The following CDH12 variants were observed in gnomAD, a reference collection of about 807,000 sequenced individuals.
CDH12 encodes cadherin-12.
A neutral mutation model predicts 74.1 loss-of-function variants in CDH12; 41 were observed. The observed-to-expected ratio is 0.55, with a 90% CI of 0.43 to 0.72. The LOEUF (loss-of-function observed/expected upper bound fraction) is 0.72, where lower values mean the gene tolerates loss of function less well. Among genes scored for constraint, CDH12 ranks in the 30% least tolerant of loss-of-function variants. The probability of loss-of-function intolerance (pLI) is 0.00; values close to 1 mark genes in which losing one functional copy is unlikely to be tolerated. For synonymous variants in CDH12, 399 were observed against 355.0 expected, an observed-to-expected ratio of 1.12 and a Z score of -1.39; for missense variants, 945 against 977.2, an observed-to-expected ratio of 0.97 and a Z score of 0.44.
intron 6 of CDH12, among the ~76,000 whole-genome samples, chr5:21,956,112 TAG>T (rs1756082841): frequency 6.6e-6 from 1 of 152,082 alleles, no homozygotes; most frequent in African/African-American, 2.4e-5. Flanking sequence ...TATTATATTG[TAG>T]ATGAAATAAG....
intron 1 of CDH12, among the ~76,000 whole-genome samples, chr5:22,560,648 C>T (rs535966357): frequency 1.3e-4 from 20 of 151,972 alleles, no homozygotes; most frequent in African/African-American, 4.3e-4. Context: ...ATAAAAAAAT[C>T]ATTTCCACCA....
chr5:22,027,599 C>T (rs983140773), intron 5 of CDH12, among the ~76,000 whole-genome samples: 12 of 152,070 alleles, frequency 7.9e-5, no homozygotes, highest in Non-Finnish European at 1.6e-4. Context: ...AGTTTATTTG[C>T]GTAGAGGTGT....
intron 1 of CDH12, among the ~76,000 whole-genome samples, chr5:22,818,557 A>G (rs1749507109): frequency 6.6e-6 from 1 of 152,168 alleles, no homozygotes; most frequent in South Asian, 2.1e-4. Flanking sequence ...AAGAGGGACA[A>G]GCAATGACAT....
intron 3 of CDH12, among the ~76,000 whole-genome samples, chr5:22,224,688 AT>A (rs2150370972): frequency 6.6e-6 from 1 of 152,158 alleles, no homozygotes; most frequent in African/African-American, 2.4e-5. Context: ...ACTCTGAACT[AT>A]AGCAGTACTG....
chr5:22,617,873 TC>T (rs1278462142), intron 1 of CDH12, among the ~76,000 whole-genome samples: 3 of 152,122 alleles, frequency 2.0e-5, no homozygotes, highest in Non-Finnish European at 4.4e-5. Flanking sequence ...CCACAGGAAA[TC>T]CATCTTATTA....
intron 3 of CDH12, among the ~76,000 whole-genome samples, chr5:22,224,940 G>T (rs1169654746): frequency 6.6e-6 from 1 of 151,686 alleles, no homozygotes; most frequent in African/African-American, 2.4e-5. Flanking sequence ...ACATTAATGT[G>T]TTTATTTCAG....
At chr5:22,377,612 A>T (rs765756852) in intron 3 of CDH12, among the ~76,000 whole-genome samples, 1 of 152,190 alleles carries the variant, frequency 6.6e-6, no homozygotes, top group Non-Finnish European at 1.5e-5. Flanking sequence ...TCTCTCTGAC[A>T]TTCCTTCCTG....
At chr5:21,840,126 G>T (rs146043376) in intron 8 of CDH12, among the ~76,000 whole-genome samples, 1 of 152,040 alleles carries the variant, frequency 6.6e-6, no homozygotes, top group Non-Finnish European at 1.5e-5. Context: ...ATTTGGAAAT[G>T]ATTCAACACA....
Position 22,062,807 on chromosome 5 carries a change from C to T in CDH12, c.231+15639G>A, listed in dbSNP as rs77448897. The stretch of plus-strand genomic sequence containing the variant: ...CTATCAACTCAGAAGGAGACTAACA[C>T]ATTAGACAGAACTTGAGACATACTT... On this transcript the variant is annotated intron_variant, in intron 5 of 14. Coordinates refer to ENST00000382254, the MANE Select transcript of CDH12 (RefSeq NM_004061.5). 5.4e-4 allele frequency among the ~76,000 whole-genome samples: 82 copies of T among 152,214 alleles called. 1 individual carries two copies. The East Asian group carries it at 0.015, about 28-fold the overall frequency.
At chr5:22,679,868 T>C (rs1741401746) in intron 1 of CDH12, among the ~76,000 whole-genome samples, 1 of 152,126 alleles carries the variant, frequency 6.6e-6, no homozygotes, top group African/African-American at 2.4e-5. Flanking sequence ...TCTGTTAAAC[T>C]GTTTACACTT....
chr5:22,641,295 G>T (rs1335514880), intron 1 of CDH12, among the ~76,000 whole-genome samples: 1 of 152,126 alleles, frequency 6.6e-6, no homozygotes, highest in Non-Finnish European at 1.5e-5. Flanking sequence ...GTTTGAGGGG[G>T]TACTAGTGCA....
At chr5:21,857,615 A>G (rs543428793) in intron 6 of CDH12, among the ~76,000 whole-genome samples, 8 of 152,068 alleles carry the variant, frequency 5.3e-5, no homozygotes, top group Non-Finnish European at 8.8e-5. Flanking sequence ...AGCAAAGAAC[A>G]GAGAAACTGA....
chr5:22,014,737 A>G (rs1032102226), intron 5 of CDH12, among the ~76,000 whole-genome samples: 6 of 152,180 alleles, frequency 3.9e-5, no homozygotes, highest in Admixed American at 2.0e-4. Flanking sequence ...ACCCTTTCCC[A>G]CAATTTATCT....
At chr5:22,675,461 G>A (rs758004169) in intron 1 of CDH12, among the ~76,000 whole-genome samples, 1 of 152,306 alleles carries the variant, frequency 6.6e-6, no homozygotes, top group Non-Finnish European at 1.5e-5. Flanking sequence ...CCCTCATGGA[G>A]GAGCAACTAA....
intron 4 of CDH12, among the ~76,000 whole-genome samples, chr5:22,128,796 C>T (rs1465937625): frequency 3.3e-5 from 5 of 152,120 alleles, no homozygotes; most frequent in African/African-American, 1.2e-4. Context: ...TAATCTGATG[C>T]TACTTTTCAT....
rs1362558871 is a variant in CDH12 at position 22,020,549 on chromosome 5, C to T, written c.232-45164G>A. Reference sequence around the variant, plus strand: ...AGCCTGGGTGACAAGAGTGAGACTTCGTTTCAAAAAAAAAAAAAAAAGAAG... The same window carrying T: ...AGCCTGGGTGACAAGAGTGAGACTTTGTTTCAAAAAAAAAAAAAAAAGAAG... On this transcript the variant is annotated intron_variant, in intron 5 of 14. Transcript: ENST00000382254. Among the ~76,000 whole-genome samples the T allele has an allele frequency of 1.9e-4, 25 of 128,208 alleles. 1 individual carries two copies. The South Asian group carries it at 5.7e-3, about 29-fold the overall frequency. 84.1% of individuals were successfully genotyped at this position (128,208 alleles called of 152,430 possible).
intron 6 of CDH12, among the ~76,000 whole-genome samples, chr5:21,954,389 C>A (rs1455460265): frequency 6.6e-6 from 1 of 151,836 alleles, no homozygotes; most frequent in Non-Finnish European, 1.5e-5. Flanking sequence ...AGTGCCTGCA[C>A]ACACACTTGC....
chr5:21,968,773 T>C (rs1228428595), intron 6 of CDH12, among the ~76,000 whole-genome samples: 1 of 152,096 alleles, frequency 6.6e-6, no homozygotes, highest in East Asian at 1.9e-4. Context: ...GTGGTACATA[T>C]ACACCATGAG....
chr5:22,827,693 T>C (rs1479919178), intron 1 of CDH12, among the ~76,000 whole-genome samples: 1 of 152,182 alleles, frequency 6.6e-6, no homozygotes, highest in Non-Finnish European at 1.5e-5. Flanking sequence ...TAATCATTGA[T>C]GTAAATCCAA....
Sources: allele counts gnomAD v4.1 joint callset (sites outside exome capture counted in the v4.1 genomes callset), GRCh38; gene constraint gnomAD v4.1.1; transcripts MANE v1.5; gene names NCBI Gene and HGNC (gene_info 2026-07-23, HGNC 2026-07-21).